TAF3: variants seen among roughly 807,000 people sequenced by gnomAD.
TAF3 encodes TATA-box binding protein associated factor 3, also known as transcription initiation factor TFIID subunit 3.
Under a neutral mutation model 80.6 loss-of-function variants are expected in TAF3, and 7 were observed. The ratio of observed to expected loss-of-function variants is 0.09; its 90% CI spans 0.05 to 0.16. The LOEUF (loss-of-function observed/expected upper bound fraction) is 0.16, where lower values mean the gene tolerates loss of function less well. Ranked by LOEUF, TAF3 falls within the 10% of genes least tolerant of loss-of-function variation. The pLI, the probability that TAF3 is intolerant of heterozygous loss-of-function variation, is 1.00. For missense variants in TAF3, 921 were observed against 1,140.2 expected (o/e 0.81, Z 2.77); for synonymous variants, 444 against 446.1 (o/e 1.00, Z 0.06).
intron 2 of TAF3, among the ~76,000 whole-genome samples, chr10:7,886,380 C>T (rs1383306939): frequency 6.6e-6 from 1 of 152,230 alleles, no homozygotes; most frequent in East Asian, 1.9e-4. Context: ...TTCTTTCTCT[C>T]ACCTCTGTCC....
intron 2 of TAF3, among the ~76,000 whole-genome samples, chr10:7,882,323 T>A (rs1421184397): frequency 6.6e-6 from 1 of 152,216 alleles, no homozygotes; most frequent in Non-Finnish European, 1.5e-5. Flanking sequence ...ATACATATAC[T>A]TCACAGTCCT....
chr10:7,894,131 A>G (rs1837483498), intron 2 of TAF3, among the ~76,000 whole-genome samples: 1 of 152,098 alleles, frequency 6.6e-6, no homozygotes, highest in African/African-American at 2.4e-5. Flanking sequence ...GTTGACAGTT[A>G]GCCATTCTAA....
Position 8,014,705 on chromosome 10 carries a change from A to G in TAF3, c.2744A>G (p.Lys915Arg). 6.2e-7 allele frequency: 1 copy of G among 1,611,072 alleles called. No homozygotes were observed. Among genetic ancestry groups the G allele is most frequent in the Non-Finnish European group, 8.5e-7 (1 of 1,178,546 alleles). ...TGGTTCTGCCCCAAGTGTGCGAACA[A>G]GAAGAAGGACAAAAAGCACAAGAAG... is the stretch of plus-strand genomic sequence containing the variant. ...MQWFCPKCAN[K>R]KKDKKHKKRK... The change falls in exon 7 of 7, where the codon AAG (lysine) becomes AGG (arginine). Residue 915 changes from lysine (K) to arginine (R), a missense_variant. Physicochemically the swap from Lys to Arg is conservative, Grantham distance 26. This residue lies in a region of TAF3 where 29 missense variants were observed against 20.3 expected (regional missense o/e 1.43). Coordinates refer to ENST00000344293, the MANE Select transcript of TAF3 (RefSeq NM_031923.4).
chr10:7,902,529 A>G (rs1232879012), intron 2 of TAF3, among the ~76,000 whole-genome samples: 1 of 152,188 alleles, frequency 6.6e-6, no homozygotes, highest in Non-Finnish European at 1.5e-5. Flanking sequence ...CTCAGGGGAA[A>G]AACGTTTCTC....
intron 2 of TAF3, among the ~76,000 whole-genome samples, chr10:7,882,227 G>A (rs986171196): frequency 6.6e-6 from 1 of 152,148 alleles, no homozygotes; most frequent in Non-Finnish European, 1.5e-5. Context: ...ATTGGAGACC[G>A]TCAAGCATCA....
At chr10:7,920,299 C>T (rs1021028177) in intron 2 of TAF3, among the ~76,000 whole-genome samples, 20 of 101,374 alleles carry the variant, frequency 2.0e-4, no homozygotes, top group East Asian at 6.9e-4. Context: ...TTTAAACATA[C>T]GTGTGTGTGT....
At chr10:7,867,203 G>C (rs1055178177) in intron 2 of TAF3, among the ~76,000 whole-genome samples, 1 of 152,038 alleles carries the variant, frequency 6.6e-6, no homozygotes, top group Non-Finnish European at 1.5e-5. Context: ...AAGTTGCAGT[G>C]AGCCGAGATC....
chr10:7,829,057 A>G (rs12782467), intron 2 of TAF3, among the ~76,000 whole-genome samples: 15 of 133,090 alleles, frequency 1.1e-4, no homozygotes, highest in African/African-American at 3.3e-4. Flanking sequence ...AAAAAAAAAA[A>G]GGAATATAAA....
In TAF3 at chr10:8,014,740, C is replaced by T. The variant is rs768695065; in HGVS notation, c.2779C>T (p.Arg927Ter). The stretch of plus-strand genomic sequence containing the variant: ...CAAAAAGCACAAGAAGAGGAAGCAT[C>T]GAGCCCACTGACGACTCCCGAGGGG... ...KDKKHKKRKH[R>*]AH Residue 927 changes from arginine (R) to a stop codon, truncating the protein, a stop_gained, in exon 7 of 7, where the codon CGA (arginine) becomes TGA (stop). Coordinates refer to ENST00000344293, the MANE Select transcript of TAF3 (RefSeq NM_031923.4). LOFTEE classifies it high-confidence loss of function. 4 of 1,596,512 alleles carry T rather than the reference C, an allele frequency of 2.5e-6. No individual in the cohort carries two copies. The highest frequency in any genetic ancestry group is 1.7e-5 in the Admixed American group (1 of 57,502).
intron 2 of TAF3, among the ~76,000 whole-genome samples, chr10:7,945,508 T>G (rs1033636178): frequency 2.0e-5 from 3 of 152,204 alleles, no homozygotes; most frequent in African/African-American, 7.2e-5. Flanking sequence ...TCTTCCCTTC[T>G]TCTAGTTAAG....
At chr10:7,873,964 T>C (rs534682969) in intron 2 of TAF3, among the ~76,000 whole-genome samples, 8 of 152,198 alleles carry the variant, frequency 5.3e-5, no homozygotes, top group Non-Finnish European at 1.0e-4. Flanking sequence ...GAGAGGCCAT[T>C]GCAGGTTTTA....
At chr10:7,913,695 T>A (rs971248281) in intron 2 of TAF3, among the ~76,000 whole-genome samples, 10 of 152,180 alleles carry the variant, frequency 6.6e-5, no homozygotes, top group Admixed American at 6.5e-4. Context: ...TCTGCTTACA[T>A]CAACCCATTG....
chr10:7,928,396 A>G (rs1394686867), intron 2 of TAF3, among the ~76,000 whole-genome samples: 1 of 152,234 alleles, frequency 6.6e-6, no homozygotes, highest in Non-Finnish European at 1.5e-5. Flanking sequence ...AGTGGGCCAC[A>G]TAAATGTGTT....
At chr10:7,818,987 A>G in intron 1 of TAF3, 112 bp downstream of exon 1, 2 of 1,119,354 alleles carry the variant, frequency 1.8e-6, no homozygotes, top group Non-Finnish European at 1.2e-6. Flanking sequence ...CCGCCTCGAG[A>G]TCTGCTGTTT....
At chr10:8,011,698 G>A (rs1050525581) in intron 5 of TAF3, among the ~76,000 whole-genome samples, 1 of 152,334 alleles carries the variant, frequency 6.6e-6, no homozygotes, top group Admixed American at 6.5e-5. Flanking sequence ...CCCCAAATGG[G>A]TTGATCAGGA....
At chr10:8,014,533 G>T in intron 6 of TAF3, 104 bp from the exon 7 acceptor site, 1 of 959,968 alleles carries the variant, frequency 1.0e-6, no homozygotes, top group Non-Finnish European at 1.5e-6. Context: ...CTTTGATTTC[G>T]GGTAAACATG....
chr10:7,842,151 G>GTTTTTTTTTTTTTTTTTTT (rs71505465), intron 2 of TAF3, among the ~76,000 whole-genome samples: 2 of 98,748 alleles, frequency 2.0e-5, no homozygotes, highest in Non-Finnish European at 4.3e-5. Context: ...AATTAATATT[G>GTTTTTTTTTTTTTTTTTTT]TTTTTTTTTT....
chr10:7,932,669 A>ATT (rs34907761), intron 2 of TAF3, among the ~76,000 whole-genome samples: 3,401 of 78,806 alleles, frequency 0.043, 74 homozygotes, highest in African/African-American at 0.072. Flanking sequence ...GTTCCACTTA[A>ATT]TTTTTTTTTT....
At chr10:7,931,934 A>G (rs190409752) in intron 2 of TAF3, among the ~76,000 whole-genome samples, 3 of 152,352 alleles carry the variant, frequency 2.0e-5, no homozygotes, top group Non-Finnish European at 2.9e-5. Flanking sequence ...AATAATAGAA[A>G]TGTACTGGGT....
Sources: allele counts gnomAD v4.1 joint callset (sites outside exome capture counted in the v4.1 genomes callset), GRCh38; gene constraint gnomAD v4.1.1; regional missense constraint gnomAD v4.1.1; transcripts MANE v1.5; gene names NCBI Gene and HGNC (gene_info 2026-07-23, HGNC 2026-07-21).